Variants in KCNJ16 observed in about 807,000 individuals in gnomAD.
The protein encoded by KCNJ16 is potassium inwardly rectifying channel subfamily J member 16.
A neutral mutation model predicts 18.5 loss-of-function variants in KCNJ16; 15 were observed. The observed-to-expected ratio is 0.81, with a 90% CI of 0.54 to 1.25. KCNJ16 has a LOEUF of 1.25. Among genes scored for constraint, KCNJ16 ranks in the 50% most tolerant of loss-of-function variants. The pLI is 0.00. For missense variants in KCNJ16, 523 were observed against 525.7 expected, an observed-to-expected ratio of 0.99 and a Z score of 0.05; for synonymous variants, 174 against 186.5, an observed-to-expected ratio of 0.93 and a Z score of 0.55.
intron 2 of KCNJ16, among the ~76,000 whole-genome samples, chr17:70,123,853 A>G (rs2073747540): frequency 6.6e-6 from 1 of 152,192 alleles, no homozygotes; most frequent in Admixed American, 6.5e-5. Flanking sequence ...CAGGTTTAGA[A>G]ATGATTGCTC....
At chr17:70,095,777 C>CA (rs200840297) in intron 1 of KCNJ16, among the ~76,000 whole-genome samples, 59 of 148,342 alleles carry the variant, frequency 4.0e-4, no homozygotes, top group African/African-American at 1.4e-3. Flanking sequence ...AATGTGGTAC[C>CA]AAAAAAAATG....
chr17:70,102,705 T>A (rs2072699435), intron 2 of KCNJ16, among the ~76,000 whole-genome samples: 1 of 152,178 alleles, frequency 6.6e-6, no homozygotes. Context: ...CACATTTTTC[T>A]ACCCCATTTG....
intron 2 of KCNJ16, 118 bp downstream of exon 2, chr17:70,100,884 T>C (rs909232317): frequency 1.3e-5 from 2 of 152,254 alleles, no homozygotes; most frequent in African/African-American, 2.4e-5. Flanking sequence ...TTTCTACTTA[T>C]ACGTTTATAT....
At chr17:70,111,886 A>T (rs1202781043) in intron 2 of KCNJ16, among the ~76,000 whole-genome samples, 3 of 152,188 alleles carry the variant, frequency 2.0e-5, no homozygotes, top group African/African-American at 7.2e-5. Context: ...TGGAACTGTG[A>T]GCCCATTAAA....
intron 2 of KCNJ16, among the ~76,000 whole-genome samples, chr17:70,124,955 T>C (rs948391697): frequency 6.6e-6 from 1 of 151,626 alleles, no homozygotes; most frequent in Non-Finnish European, 1.5e-5. Flanking sequence ...ATCTCCCATG[T>C]AGTGATGGTT....
At chr17:70,077,213 T>G (rs2071353669) in intron 1 of KCNJ16, among the ~76,000 whole-genome samples, 1 of 152,212 alleles carries the variant, frequency 6.6e-6, no homozygotes, top group South Asian at 2.1e-4. Flanking sequence ...TGTGCCATAA[T>G]ATTTACCAAG....
chr17:70,112,897 T>C (rs1189896355), intron 2 of KCNJ16, among the ~76,000 whole-genome samples: 1 of 152,196 alleles, frequency 6.6e-6, no homozygotes, highest in Non-Finnish European at 1.5e-5. Context: ...ACCTACTTGT[T>C]CAATGCAAGC....
intron 2 of KCNJ16, among the ~76,000 whole-genome samples, chr17:70,108,842 T>C (rs747694799): frequency 3.3e-5 from 5 of 152,162 alleles, no homozygotes; most frequent in Non-Finnish European, 5.9e-5. Context: ...GAGCTTGACA[T>C]TGATAACTGT....
chr17:70,098,403 C>T (rs1281459180), intron 1 of KCNJ16, among the ~76,000 whole-genome samples: 2 of 152,066 alleles, frequency 1.3e-5, no homozygotes, highest in Non-Finnish European at 2.9e-5. Context: ...ATATTCATAA[C>T]ATTTTATTAA....
chr17:70,081,731 A>G (rs189493429), intron 1 of KCNJ16, among the ~76,000 whole-genome samples: 1 of 152,208 alleles, frequency 6.6e-6, no homozygotes, highest in East Asian at 1.9e-4. Flanking sequence ...GTATAGAGCG[A>G]GCAGAGTTAA....
intron 2 of KCNJ16, among the ~76,000 whole-genome samples, chr17:70,125,273 GAAAA>G (rs111228932): frequency 7.9e-6 from 1 of 126,696 alleles, no homozygotes; most frequent in Non-Finnish European, 1.7e-5. Flanking sequence ...CTGTTTCAAA[GAAAA>G]AAAAAAAAAG....
At chr17:70,130,781 C>A in intron 2 of KCNJ16, 98 bp from the exon 3 acceptor site, 1 of 612,362 alleles carries the variant, frequency 1.6e-6, no homozygotes, top group Non-Finnish European at 2.9e-6. Flanking sequence ...TCCCTTCATC[C>A]CATCTAGCAC....
intron 2 of KCNJ16, among the ~76,000 whole-genome samples, chr17:70,119,308 C>T (rs551782057): frequency 6.6e-6 from 1 of 152,312 alleles, no homozygotes; most frequent in Admixed American, 6.5e-5. Flanking sequence ...TGGATCTACT[C>T]TTCTGGTGTC....
chr17:70,120,254 A>G (rs1222233991), intron 2 of KCNJ16, among the ~76,000 whole-genome samples: 1 of 152,090 alleles, frequency 6.6e-6, no homozygotes, highest in Non-Finnish European at 1.5e-5. Context: ...CACTATTGGC[A>G]TTTTAGTCAC....
intron 2 of KCNJ16, among the ~76,000 whole-genome samples, chr17:70,119,162 G>A (rs959911482): frequency 2.6e-5 from 4 of 152,214 alleles, no homozygotes; most frequent in African/African-American, 9.7e-5. Context: ...TCCAGAGCAC[G>A]CTGGTGCAAG....
At chr17:70,089,784 C>G (rs1459464312) in intron 1 of KCNJ16, among the ~76,000 whole-genome samples, 1 of 152,152 alleles carries the variant, frequency 6.6e-6, no homozygotes, top group Non-Finnish European at 1.5e-5. Flanking sequence ...GTTAGTTACT[C>G]CAGTATTTAC....
intron 1 of KCNJ16, among the ~76,000 whole-genome samples, chr17:70,078,520 T>C (rs913782304): frequency 1.3e-5 from 2 of 152,220 alleles, no homozygotes; most frequent in Admixed American, 1.3e-4. Context: ...AAATATTCAG[T>C]TATCTTTTTT....
intron 1 of KCNJ16, among the ~76,000 whole-genome samples, chr17:70,081,994 T>C (rs1251899805): frequency 1.3e-5 from 2 of 152,240 alleles, no homozygotes; most frequent in African/African-American, 4.8e-5. Context: ...TTTTACACTT[T>C]GGCTTCATGA....
intron 1 of KCNJ16, among the ~76,000 whole-genome samples, chr17:70,075,736 C>T (rs929379178): frequency 6.6e-6 from 1 of 152,068 alleles, no homozygotes; most frequent in African/African-American, 2.4e-5. Context: ...TCTTTCAAAA[C>T]CAGATTTTTG....
Sources: gnomAD v4.1 joint callset for allele counts (sites outside exome capture counted in the v4.1 genomes callset) on GRCh38, gnomAD v4.1.1 for gene constraint, MANE v1.5 for transcripts, NCBI Gene and HGNC (gene_info 2026-07-23, HGNC 2026-07-21) for gene names.